RABGAP1: variants seen among roughly 807,000 people sequenced by gnomAD.
RABGAP1 encodes RAB GTPase activating protein 1.
Under a neutral mutation model 137.6 loss-of-function variants are expected in RABGAP1, and 23 were observed. That is an observed-to-expected ratio of 0.17 (90% CI 0.12 to 0.24). The LOEUF (loss-of-function observed/expected upper bound fraction) is 0.24. Among genes scored for constraint, RABGAP1 ranks in the 10% least tolerant of loss-of-function variants. RABGAP1 has a pLI of 1.00. For synonymous variants in RABGAP1, 451 were observed against 450.7 expected, an observed-to-expected ratio of 1.00 and a Z score of -0.01; for missense variants, 906 against 1,275.8, an observed-to-expected ratio of 0.71 and a Z score of 4.42.
At chr9:123,097,312 A>G (rs2035213882) in intron 21 of RABGAP1, among the ~76,000 whole-genome samples, 1 of 152,252 alleles carries the variant, frequency 6.6e-6, no homozygotes, top group Non-Finnish European at 1.5e-5. Flanking sequence ...GAAGCAGAGG[A>G]AACACAGCTT....
At chr9:122,942,775 T>C (rs1204090181) in intron 1 of RABGAP1, among the ~76,000 whole-genome samples, 2 of 152,096 alleles carry the variant, frequency 1.3e-5, no homozygotes. Flanking sequence ...CAATCCATGA[T>C]TGATTTTTAT....
Position 123,070,297 on chromosome 9 carries a change from G to GT in RABGAP1, c.1909-53_1909-52insT. ...TTCAAGGTCCTATAGTGCCACCATG[G>GT]CCCACAAGTGGCTACATTCATTTAC... On this transcript the variant is annotated intron_variant, in intron 14 of 25. Transcript: ENST00000373647. The surrounding 1 kb of genome is among the most constrained non-coding windows in gnomAD (Gnocchi z 4.4). 1 of 1,610,666 alleles carries GT rather than the reference G, an allele frequency of 6.2e-7. No individual in the cohort carries two copies. Among genetic ancestry groups the GT allele is most frequent in the Non-Finnish European group, 8.5e-7 (1 of 1,178,456 alleles).
intron 13 of RABGAP1, among the ~76,000 whole-genome samples, chr9:123,051,216 GTTTTTTTTTTTTT>G (rs552457119): frequency 2.3e-4 from 8 of 34,280 alleles, no homozygotes; most frequent in Middle Eastern, 0.016. Context: ...ATTCACCTTG[GTTTTTTTTTTTTT>G]TTTTTTTTTT....
At chr9:122,957,884 C>CT (rs143569135) in intron 2 of RABGAP1, among the ~76,000 whole-genome samples, 2,752 of 133,074 alleles carry the variant, frequency 0.021, 49 homozygotes, top group East Asian at 0.087. Context: ...AGCTTTAATT[C>CT]TTTTTTTTTT....
intron 14 of RABGAP1, among the ~76,000 whole-genome samples, chr9:123,068,620 T>C (rs185407000): frequency 1.3e-5 from 2 of 152,338 alleles, no homozygotes. Flanking sequence ...TGATCATTTC[T>C]AAAGCCCTTT....
At chr9:123,005,369 C>T (rs1252869725) in intron 10 of RABGAP1, among the ~76,000 whole-genome samples, 2 of 151,284 alleles carry the variant, frequency 1.3e-5, no homozygotes, top group African/African-American at 4.9e-5. Flanking sequence ...CTCGGAAGTC[C>T]GCTTCCATTT....
At chr9:122,996,897 T>TTAA (rs1298347610) in intron 8 of RABGAP1, 1 of 451,016 alleles carries the variant, frequency 2.2e-6, no homozygotes, top group Non-Finnish European at 4.1e-6. Flanking sequence ...GAATGATTTA[T>TTAA]AGACTGTCGT....
intron 13 of RABGAP1, among the ~76,000 whole-genome samples, chr9:123,023,358 T>G (rs145667137): frequency 1.9e-3 from 288 of 152,276 alleles, no homozygotes; most frequent in African/African-American, 6.7e-3. Context: ...TTTTTGTATT[T>G]TTAGTAGAGA....
At chr9:122,989,646 C>A in intron 5 of RABGAP1, 175 bp downstream of exon 5, 1 of 700,962 alleles carries the variant, frequency 1.4e-6, no homozygotes, top group Non-Finnish European at 2.3e-6. Flanking sequence ...ATTTGATTAA[C>A]TAGAACTTTG....
At chr9:123,057,461 C>T (rs1437947575) in intron 13 of RABGAP1, among the ~76,000 whole-genome samples, 27 of 151,292 alleles carry the variant, frequency 1.8e-4, no homozygotes, top group African/African-American at 5.6e-4. Flanking sequence ...GATGGGCGGC[C>T]GGGCAGAGAT....
intron 1 of RABGAP1, among the ~76,000 whole-genome samples, chr9:122,955,366 T>G (rs1238873478): frequency 6.6e-6 from 1 of 152,264 alleles, no homozygotes; most frequent in Non-Finnish European, 1.5e-5. Context: ...ATCTACTCAA[T>G]AAGTATTCAA....
chr9:123,089,871 C>T lies in RABGAP1; in HGVS notation c.2517+21C>T, dbSNP rs376414843. On this transcript the variant is annotated intron_variant, in intron 20 of 25. Transcript: ENST00000373647. ...TTGAGGTTTGTTTGCTTATGGCCTA[C>T]GTGTGAGGAGCTCCCATGCTTTCAT... 127 of 1,588,736 alleles carry T rather than the reference C, an allele frequency of 8.0e-5. No individual in the cohort carries two copies. The African/African-American group carries it at 1.2e-3, about 15-fold the overall frequency.
At chr9:122,973,345 C>T (rs1835574037) in intron 2 of RABGAP1, among the ~76,000 whole-genome samples, 1 of 152,140 alleles carries the variant, frequency 6.6e-6, no homozygotes, top group Non-Finnish European at 1.5e-5. Context: ...TCACACCATT[C>T]CCCTGCCTCA....
intron 13 of RABGAP1, among the ~76,000 whole-genome samples, chr9:123,043,286 G>A (rs925713337): frequency 2.0e-5 from 3 of 152,162 alleles, no homozygotes; most frequent in South Asian, 2.1e-4. Flanking sequence ...AAAGCTCTAC[G>A]AAAGCAACTA....
chr9:122,965,598 G>T (rs551969849), intron 2 of RABGAP1, among the ~76,000 whole-genome samples: 2 of 152,250 alleles, frequency 1.3e-5, no homozygotes, highest in East Asian at 1.9e-4. Flanking sequence ...TGGCCATGCT[G>T]GTCTCGAACT....
chr9:122,989,936 C>A, intron 5 of RABGAP1, 120 bp from the exon 6 acceptor site: 1 of 1,172,326 alleles, frequency 8.5e-7, no homozygotes, highest in Non-Finnish European at 1.2e-6. Context: ...GGTAATTTAC[C>A]AAAAGAAATA....
chr9:122,990,796 A>AAT (rs1188480184), intron 6 of RABGAP1: 343 of 27,696 alleles, frequency 0.012, 7 homozygotes, highest in Middle Eastern at 0.059. Flanking sequence ...AAAAAAAAAA[A>AAT]ATATATATAT....
At chr9:123,076,541 T>G in intron 18 of RABGAP1, 93 bp from the exon 19 acceptor site, 1 of 1,394,824 alleles carries the variant, frequency 7.2e-7, no homozygotes. Context: ...CTGGGGATTG[T>G]AAAAGTGCTG....
intron 10 of RABGAP1, among the ~76,000 whole-genome samples, chr9:123,004,203 C>G (rs2029987340): frequency 1.3e-5 from 2 of 152,194 alleles, no homozygotes; most frequent in African/African-American, 4.8e-5. Context: ...CTGGATCTCT[C>G]CTTTGTAAAA....
Sources: gnomAD v4.1 joint callset for allele counts (sites outside exome capture counted in the v4.1 genomes callset) on GRCh38, gnomAD v4.1.1 for gene constraint, Gnocchi (gnomAD v3.1) non-coding constraint, MANE v1.5 for transcripts, NCBI Gene and HGNC (gene_info 2026-07-23, HGNC 2026-07-21) for gene names.